Variants in PLXDC2 observed in about 807,000 individuals in gnomAD.
The protein encoded by PLXDC2 is plexin domain containing 2.
Under a neutral mutation model 68.9 loss-of-function variants are expected in PLXDC2, and 40 were observed. The observed-to-expected ratio is 0.58, with a 90% CI of 0.45 to 0.76. The LOEUF is 0.76. Among genes scored for constraint, PLXDC2 ranks in the 30% least tolerant of loss-of-function variants. The probability of loss-of-function intolerance (pLI) is 0.00; values close to 1 mark genes in which losing one functional copy is unlikely to be tolerated. For missense variants in PLXDC2, 644 were observed against 661.9 expected, an observed-to-expected ratio of 0.97 and a Z score of 0.30; for synonymous variants, 243 against 234.2, an observed-to-expected ratio of 1.04 and a Z score of -0.34.
intron 2 of PLXDC2, among the ~76,000 whole-genome samples, chr10:20,011,926 C>G (rs1230328686): frequency 6.6e-6 from 1 of 152,136 alleles, no homozygotes; most frequent in Non-Finnish European, 1.5e-5. Context: ...TTAATGTGTA[C>G]TCAACAATTT....
Position 19,874,579 on chromosome 10 carries a change from A to T in PLXDC2, c.112+57388A>T, listed in dbSNP as rs555950518. Among the ~76,000 whole-genome samples, 3 of 152,382 alleles carry T rather than the reference A, an allele frequency of 2.0e-5. No homozygotes were observed. In the East Asian group the frequency reaches 5.8e-4, roughly 29 times the overall value. ...GAATAAGTAAAACACAAAAGCACTT[A>T]GAATATAAGGTGTCATATGCTTGAG... On this transcript the variant is annotated intron_variant, in intron 1 of 13. Coordinates refer to ENST00000377252, the MANE Select transcript of PLXDC2 (RefSeq NM_032812.9).
rs201422332 is a variant in PLXDC2 at position 20,102,246 on chromosome 10, G to A, written c.541+34007G>A. ...ACCAAATCCACAATCTACATTCCATGTTATTATTCCGCCTAGACAACATCT... is the reference window on the plus strand; with the variant it reads ...ACCAAATCCACAATCTACATTCCATATTATTATTCCGCCTAGACAACATCT... On this transcript the variant is annotated intron_variant, in intron 4 of 13. Coordinates refer to ENST00000377252, the MANE Select transcript of PLXDC2 (RefSeq NM_032812.9). Among the ~76,000 whole-genome samples, 24 of 152,268 alleles carry A rather than the reference G, an allele frequency of 1.6e-4. No individual in the cohort carries two copies. In the East Asian group the frequency reaches 4.2e-3, roughly 27 times the overall value.
At chr10:20,063,497 A>C (rs936914459) in intron 3 of PLXDC2, among the ~76,000 whole-genome samples, 5 of 152,196 alleles carry the variant, frequency 3.3e-5, no homozygotes, top group Non-Finnish European at 5.9e-5. Flanking sequence ...TGGGGCATTG[A>C]CTAATTAATT....
chr10:19,980,796 T>A (rs987229165), intron 1 of PLXDC2, among the ~76,000 whole-genome samples: 2 of 152,144 alleles, frequency 1.3e-5, no homozygotes, highest in African/African-American at 2.4e-5. Flanking sequence ...TTTACTTAAT[T>A]CCATAGATGC....
At chr10:19,838,234 A>G (rs1564604920) in intron 1 of PLXDC2, among the ~76,000 whole-genome samples, 1 of 152,174 alleles carries the variant, frequency 6.6e-6, no homozygotes, top group Non-Finnish European at 1.5e-5. Flanking sequence ...AAGTGCTTGG[A>G]TTACAGGTGT....
chr10:20,130,387 G>A (rs2131775435), intron 4 of PLXDC2, among the ~76,000 whole-genome samples: 1 of 152,168 alleles, frequency 6.6e-6, no homozygotes, highest in East Asian at 1.9e-4. Context: ...GTTTATTAAT[G>A]CCAACAGGTT....
chr10:20,288,524 A>T lies in PLXDC2; in HGVS notation c.*8705A>T, dbSNP rs1836189236. On this transcript the variant is annotated 3_prime_UTR_variant, in exon 14 of 14. Transcript: ENST00000377252. ...TGAGAGCAAAAAGAGTGTGACCTCT[A>T]TTGGAAACCTTTGTTCAAATTCAAT... 1 of 152,148 alleles carries T rather than the reference A, an allele frequency of 6.6e-6. No homozygotes were observed. Among genetic ancestry groups the T allele is most frequent in the Admixed American group, 6.5e-5 (1 of 15,270 alleles). The allele number at this position is 152,148 out of a possible 1,614,324, so 9.4% of individuals were successfully genotyped here.
At chr10:20,162,836 G>C (rs10827978) in intron 6 of PLXDC2, among the ~76,000 whole-genome samples, 4 of 150,246 alleles carry the variant, frequency 2.7e-5, no homozygotes, top group Non-Finnish European at 4.4e-5. Context: ...GGCTGAGGTG[G>C]GTGGATCACT....
intron 1 of PLXDC2, among the ~76,000 whole-genome samples, chr10:19,879,895 T>C (rs35023948): frequency 1.3e-5 from 2 of 152,184 alleles, no homozygotes; most frequent in Non-Finnish European, 2.9e-5. Flanking sequence ...TTTCTTTCCT[T>C]CTGTTATGTT....
At position 20,279,799 on chromosome 10, in the gene PLXDC2, A is replaced by G; in HGVS notation, c.1570A>G (p.Ile524Val). Reference protein sequence around the residue: ...VEPVGEKEGFIVSEQC With the variant: ...VEPVGEKEGFVVSEQC ...ACCAGTTGGAGAGAAAGAAGGCTTTATTGTATCAGAGCAGTGCTAAAATTT... is the reference window on the plus strand; with the variant it reads ...ACCAGTTGGAGAGAAAGAAGGCTTTGTTGTATCAGAGCAGTGCTAAAATTT... Residue 524 changes from isoleucine to valine, a missense_variant, in exon 14 of 14, where the codon ATT becomes GTT. Physicochemically the swap from Ile to Val is conservative, Grantham distance 29 (BLOSUM62 3). Coordinates refer to ENST00000377252, the MANE Select transcript of PLXDC2 (RefSeq NM_032812.9). 1 of 1,613,928 alleles carries G rather than the reference A, an allele frequency of 6.2e-7. No homozygotes were observed. Among genetic ancestry groups the G allele is most frequent in the African/African-American group, 1.3e-5 (1 of 75,022 alleles).
At chr10:19,920,716 C>T (rs565486125) in intron 1 of PLXDC2, among the ~76,000 whole-genome samples, 1 of 152,030 alleles carries the variant, frequency 6.6e-6, no homozygotes, top group Admixed American at 6.5e-5. Context: ...CACCATCACA[C>T]CTAGATAATT....
At chr10:19,992,532 A>G (rs776055500) in intron 1 of PLXDC2, among the ~76,000 whole-genome samples, 1 of 152,154 alleles carries the variant, frequency 6.6e-6, no homozygotes, top group East Asian at 1.9e-4. Flanking sequence ...TTTTCCTTTT[A>G]TTATAAGATA....
intron 7 of PLXDC2, 97 bp downstream of exon 7, chr10:20,164,664 A>G: frequency 1.1e-6 from 1 of 886,354 alleles, no homozygotes. Context: ...TAAAAAAAAA[A>G]TAGCTAATCG....
intron 4 of PLXDC2, among the ~76,000 whole-genome samples, chr10:20,105,883 C>T (rs1033062573): frequency 2.0e-5 from 3 of 152,180 alleles, no homozygotes; most frequent in Non-Finnish European, 4.4e-5. Flanking sequence ...GATTAATTTG[C>T]TCATTTCAAA....
chr10:19,967,666 T>C (rs1834285882), intron 1 of PLXDC2, among the ~76,000 whole-genome samples: 1 of 152,214 alleles, frequency 6.6e-6, no homozygotes, highest in Admixed American at 6.5e-5. Flanking sequence ...TGAGCGATGT[T>C]ACAGCATACT....
At chr10:19,932,367 C>T (rs1312731041) in intron 1 of PLXDC2, among the ~76,000 whole-genome samples, 1 of 152,132 alleles carries the variant, frequency 6.6e-6, no homozygotes, top group Non-Finnish European at 1.5e-5. Flanking sequence ...CCCTTCCAGC[C>T]TTTCCTTTCT....
At chr10:19,846,568 A>C (rs1171016505) in intron 1 of PLXDC2, among the ~76,000 whole-genome samples, 2 of 152,208 alleles carry the variant, frequency 1.3e-5, no homozygotes. Context: ...ATTACAATAA[A>C]ATTGGTTTTT....
Position 20,239,046 on chromosome 10 carries a change from A to G in PLXDC2, c.1313-6299A>G, listed in dbSNP as rs151160105. On this transcript the variant is annotated intron_variant, in intron 12 of 13. Coordinates refer to ENST00000377252, the MANE Select transcript of PLXDC2 (RefSeq NM_032812.9). ...TCCTGTATTTCCATTTTTGGCTTGG[A>G]GAGACTCTATTTTATGGCTTCTTGT... Among the ~76,000 whole-genome samples the G allele has an allele frequency of 4.0e-3, 606 of 152,146 alleles. 4 individuals carry two copies. Among genetic ancestry groups the G allele is most frequent in the African/African-American group, 0.013 (553 of 41,522 alleles).
intron 1 of PLXDC2, among the ~76,000 whole-genome samples, chr10:19,944,533 T>C (rs1408954403): frequency 6.6e-6 from 1 of 152,082 alleles, no homozygotes; most frequent in Non-Finnish European, 1.5e-5. Flanking sequence ...GAACCACTGG[T>C]GAATTGGGCA....
Sources: gnomAD v4.1 joint callset for allele counts (sites outside exome capture counted in the v4.1 genomes callset) on GRCh38, gnomAD v4.1.1 for gene constraint, MANE v1.5 for transcripts, NCBI Gene and HGNC (gene_info 2026-07-23, HGNC 2026-07-21) for gene names.